Variants in KCNIP1 observed in about 807,000 individuals in gnomAD.
KCNIP1 encodes the protein potassium voltage-gated channel interacting protein 1, also known as A-type potassium channel modulatory protein KCNIP1.
A neutral mutation model predicts 33.0 loss-of-function variants in KCNIP1; 18 were observed. The ratio of observed to expected loss-of-function variants is 0.55; its 90% CI spans 0.38 to 0.81. The LOEUF (loss-of-function observed/expected upper bound fraction) is 0.81. KCNIP1 is among the 30% of genes least tolerant of loss of function. KCNIP1 has a pLI of 0.00. For missense variants in KCNIP1, 238 were observed against 271.6 expected, an observed-to-expected ratio of 0.88 and a Z score of 0.87; for synonymous variants, 93 against 98.3, an observed-to-expected ratio of 0.95 and a Z score of 0.32.
At chr5:170,689,242 T>C (rs1299489814) in intron 1 of KCNIP1, among the ~76,000 whole-genome samples, 2 of 152,190 alleles carry the variant, frequency 1.3e-5, no homozygotes. Flanking sequence ...GAACAGATGC[T>C]GGAGATACAA....
At chr5:170,450,118 C>T (rs550931469) in intron 1 of KCNIP1, among the ~76,000 whole-genome samples, 1 of 148,430 alleles carries the variant, frequency 6.7e-6, no homozygotes, top group Admixed American at 6.8e-5. Context: ...CCCGACCCCC[C>T]ACCCCACCCT....
chr5:170,432,924 C>T (rs1755775872), intron 1 of KCNIP1, among the ~76,000 whole-genome samples: 1 of 151,438 alleles, frequency 6.6e-6, no homozygotes, highest in Non-Finnish European at 1.5e-5. Context: ...TGGTGTAAAA[C>T]AAAGGAAGTG....
intron 1 of KCNIP1, among the ~76,000 whole-genome samples, chr5:170,429,830 C>A (rs1755701604): frequency 6.6e-6 from 1 of 152,184 alleles, no homozygotes; most frequent in African/African-American, 2.4e-5. Context: ...ATACATACAC[C>A]CCCTTTGTAT....
chr5:170,502,991 A>G (rs1757446167), upstream of KCNIP1, among the ~76,000 whole-genome samples: 1 of 152,090 alleles, frequency 6.6e-6, no homozygotes, highest in South Asian at 2.1e-4. Flanking sequence ...AAATCTAATC[A>G]TTGCCCCTTC....
chr5:170,477,421 T>TTTTTG (rs971543173), intron 1 of KCNIP1, among the ~76,000 whole-genome samples: 50 of 151,826 alleles, frequency 3.3e-4, no homozygotes, highest in Admixed American at 9.8e-4. Context: ...TGGGTTGGCT[T>TTTTTG]TTTTGTTTTG....
At chr5:170,679,349 A>T (rs1241220617) in intron 1 of KCNIP1, 1 of 152,272 alleles carries the variant, frequency 6.6e-6, no homozygotes, top group Admixed American at 6.5e-5. Flanking sequence ...GGAGATTGAC[A>T]CAAAGAACAG....
chr5:170,643,147 A>G (rs2113703235), intron 1 of KCNIP1, among the ~76,000 whole-genome samples: 2 of 152,346 alleles, frequency 1.3e-5, no homozygotes, highest in East Asian at 1.9e-4. Context: ...AGGGGGAAAC[A>G]TGATGATGAG....
chr5:170,572,173 C>A (rs1035463868), intron 1 of KCNIP1, among the ~76,000 whole-genome samples: 4 of 152,166 alleles, frequency 2.6e-5, no homozygotes, highest in Non-Finnish European at 4.4e-5. Flanking sequence ...GATTTCCTGA[C>A]TTCAAGAGGA....
intron 1 of KCNIP1, among the ~76,000 whole-genome samples, chr5:170,362,950 G>A (rs1039213095): frequency 3.3e-5 from 5 of 152,212 alleles, no homozygotes; most frequent in African/African-American, 1.2e-4. Flanking sequence ...ATTGCAGAAT[G>A]ATCCACAACA....
At chr5:170,597,300 ACT>A (rs1442744042) in intron 1 of KCNIP1, among the ~76,000 whole-genome samples, 3 of 151,978 alleles carry the variant, frequency 2.0e-5, no homozygotes, top group African/African-American at 7.3e-5. Context: ...AAAGGGACTG[ACT>A]CTCATTCTCC....
chr5:170,477,696 C>A (rs555179856), intron 1 of KCNIP1, among the ~76,000 whole-genome samples: 5 of 152,124 alleles, frequency 3.3e-5, no homozygotes, highest in Non-Finnish European at 7.4e-5. Context: ...CCTGCCTCGG[C>A]CTCCCAAAGT....
At chr5:170,634,633 A>G (rs1760213289) in intron 1 of KCNIP1, among the ~76,000 whole-genome samples, 1 of 152,206 alleles carries the variant, frequency 6.6e-6, no homozygotes, top group African/African-American at 2.4e-5. Context: ...GGAAGAAAAG[A>G]GCATTGAGTC....
chr5:170,573,829 T>A (rs1483200656), intron 1 of KCNIP1, among the ~76,000 whole-genome samples: 1 of 152,226 alleles, frequency 6.6e-6, no homozygotes, highest in Non-Finnish European at 1.5e-5. Context: ...GAGCCATAAA[T>A]ATTTACTATA....
rs537624639 is a variant in KCNIP1, at chr5:170,488,071, C to A, written c.88+134107C>A. On this transcript the variant is annotated intron_variant, in intron 1 of 7. Transcript: ENST00000377360. ...AATCACTTTATTTTCTGTGAACCCC[C>A]AATATAAGCTGATGGTGCCTCCTGG... Among the ~76,000 whole-genome samples the A allele has an allele frequency of 5.9e-5, 9 of 152,298 alleles. 1 individual carries two copies. In the South Asian group the frequency reaches 1.9e-3, roughly 32 times the overall value.
At chr5:170,628,302 C>T (rs992454962) in intron 1 of KCNIP1, among the ~76,000 whole-genome samples, 1 of 152,188 alleles carries the variant, frequency 6.6e-6, no homozygotes, top group Non-Finnish European at 1.5e-5. Context: ...ATGGCTACCC[C>T]CAGCCTGACT....
rs116318255 is a variant in KCNIP1, at chr5:170,516,776, A to G, written c.61+12143A>G. ...AAGAAATTGTTTAGCCCCTTTCTGCATATCAGCTTCTTCATCTGTTAAACA... is the reference window on the plus strand; with the variant it reads ...AAGAAATTGTTTAGCCCCTTTCTGCGTATCAGCTTCTTCATCTGTTAAACA... On this transcript the variant is annotated intron_variant, in intron 1 of 7. Transcript: ENST00000328939. Among the ~76,000 whole-genome samples the G allele has an allele frequency of 4.8e-3, 737 of 152,380 alleles. 7 individuals are homozygous for G. Among genetic ancestry groups the G allele is most frequent in the African/African-American group, 0.016 (680 of 41,586 alleles).
At chr5:170,535,185 T>A (rs1755934767) in intron 1 of KCNIP1, among the ~76,000 whole-genome samples, 2 of 151,792 alleles carry the variant, frequency 1.3e-5, no homozygotes, top group Admixed American at 1.3e-4. Flanking sequence ...CACTGACAGG[T>A]CAGATTATCC....
chr5:170,471,784 G>C (rs1000178741), intron 1 of KCNIP1, among the ~76,000 whole-genome samples: 3 of 152,082 alleles, frequency 2.0e-5, no homozygotes, highest in African/African-American at 7.2e-5. Flanking sequence ...TCTTTCCCCT[G>C]AACCCACTCA....
At chr5:170,407,301 T>C (rs1755061621) in intron 1 of KCNIP1, among the ~76,000 whole-genome samples, 1 of 152,240 alleles carries the variant, frequency 6.6e-6, no homozygotes. Context: ...TGCAGGTGCT[T>C]TCCCACAACT....
Sources: gnomAD v4.1 joint callset for allele counts (sites outside exome capture counted in the v4.1 genomes callset) on GRCh38, gnomAD v4.1.1 for gene constraint, MANE v1.5 for transcripts, NCBI Gene and HGNC (gene_info 2026-07-23, HGNC 2026-07-21) for gene names.